The following NHEJ1 variants were observed in gnomAD, a reference collection of about 807,000 sequenced individuals.
NHEJ1 encodes the protein non-homologous end-joining factor 1.
NHEJ1 carries 22 observed loss-of-function variants against 39.4 expected under a neutral mutation model. The ratio of observed to expected loss-of-function variants is 0.56; its 90% CI spans 0.40 to 0.80. The LOEUF is 0.80. NHEJ1 is among the 30% of genes least tolerant of loss of function. The pLI, the probability that NHEJ1 is intolerant of heterozygous loss-of-function variation, is 0.00. For synonymous variants in NHEJ1, 154 were observed against 135.6 expected, an observed-to-expected ratio of 1.14 and a Z score of -0.94; for missense variants, 329 against 357.1, an observed-to-expected ratio of 0.92 and a Z score of 0.63.
chr2:219,091,034 T>G (rs773369012), intron 5 of NHEJ1, among the ~76,000 whole-genome samples: 42 of 152,266 alleles, frequency 2.8e-4, no homozygotes, highest in Middle Eastern at 6.8e-3. Context: ...ATCTAGCAAA[T>G]ATAAGTATCT....
In NHEJ1 at chr2:219,131,512, C is replaced by A. The variant is rs151035909; in HGVS notation, c.588+15168G>T. Among the ~76,000 whole-genome samples the A allele has an allele frequency of 2.5e-3, 386 of 152,266 alleles. 3 individuals are homozygous for A. The highest frequency in any genetic ancestry group is 8.9e-3 in the African/African-American group (371 of 41,536). On this transcript the variant is annotated intron_variant, in intron 5 of 7. Transcript: ENST00000356853. Reference sequence around the variant, plus strand: ...TTAAACACAGGAAAAGGGCAAAAATCGGCAAATAGCTTCAGGGGGTAGTTT... The same window carrying A: ...TTAAACACAGGAAAAGGGCAAAAATAGGCAAATAGCTTCAGGGGGTAGTTT...
chr2:219,150,628 TG>T (rs1398465359), intron 3 of NHEJ1, among the ~76,000 whole-genome samples: 6 of 152,164 alleles, frequency 3.9e-5, no homozygotes, highest in Admixed American at 1.3e-4. Context: ...GAGACCAGCC[TG>T]GGCAACATGG....
chr2:219,092,781 AGCCACAT>A (rs1421389217), intron 5 of NHEJ1, among the ~76,000 whole-genome samples: 1 of 152,176 alleles, frequency 6.6e-6, no homozygotes, highest in African/African-American at 2.4e-5. Context: ...GGGGAGCCAA[AGCCACAT>A]GCCAGTCAAT....
At chr2:219,145,942 T>G (rs77026556) in intron 5 of NHEJ1, among the ~76,000 whole-genome samples, 1 of 92,930 alleles carries the variant, frequency 1.1e-5, no homozygotes. Flanking sequence ...CAAAAAAAAA[T>G]AAAAAAAAAA....
At chr2:219,080,524 T>TAAAAA (rs1197303232) in intron 5 of NHEJ1, among the ~76,000 whole-genome samples, 7 of 142,150 alleles carry the variant, frequency 4.9e-5, no homozygotes, top group Admixed American at 1.4e-4. Context: ...GACTCTGTCT[T>TAAAAA]AAAAAAAAAT....
intron 5 of NHEJ1, among the ~76,000 whole-genome samples, chr2:219,089,708 T>C (rs1190501231): frequency 1.3e-5 from 2 of 152,236 alleles, no homozygotes; most frequent in South Asian, 2.1e-4. Flanking sequence ...GAATTGTATA[T>C]ACTTTTGGTA....
chr2:219,123,076 A>C (rs1470700223), intron 5 of NHEJ1, among the ~76,000 whole-genome samples: 1 of 152,206 alleles, frequency 6.6e-6, no homozygotes, highest in African/African-American at 2.4e-5. Context: ...GCTTTGGAGA[A>C]GTTAGGATGT....
intron 5 of NHEJ1, among the ~76,000 whole-genome samples, chr2:219,087,495 A>G (rs1949122217): frequency 6.6e-6 from 1 of 151,986 alleles, no homozygotes; most frequent in East Asian, 1.9e-4. Flanking sequence ...CACCAAAAGG[A>G]TTCTCTTTCA....
In NHEJ1 at chr2:219,072,809, G is replaced by A. The variant is rs951205046; in HGVS notation, c.*3572C>T. On this transcript the variant is annotated 3_prime_UTR_variant, in exon 8 of 8. Coordinates refer to ENST00000356853, the MANE Select transcript of NHEJ1 (RefSeq NM_024782.3). ...CTCTGGAGCGAATCTGTGTAGTTTT[G>A]TAAGTAGGAGAAAATGAGAGACAGA... 6.6e-6 allele frequency among the ~76,000 whole-genome samples: 1 copy of A among 152,174 alleles called. No homozygotes were observed. The highest frequency in any genetic ancestry group is 1.5e-5 in the Non-Finnish European group (1 of 68,026).
intron 5 of NHEJ1, among the ~76,000 whole-genome samples, chr2:219,112,966 A>G (rs1949379338): frequency 6.6e-6 from 1 of 152,198 alleles, no homozygotes; most frequent in Non-Finnish European, 1.5e-5. Context: ...TTTTGCTGAA[A>G]TTAGTTGCCC....
Position 219,080,693 on chromosome 2 carries a change from A to T in NHEJ1, c.589-2487T>A, listed in dbSNP as rs1336465145. On this transcript the variant is annotated intron_variant, in intron 5 of 7. Coordinates refer to ENST00000356853, the MANE Select transcript of NHEJ1 (RefSeq NM_024782.3). ...TTTATATATGCTAATATATATGCTT[A>T]TATATATATATGCTAATATATATAT... 2.2e-5 allele frequency among the ~76,000 whole-genome samples: 2 copies of T among 92,126 alleles called. 1 individual carries two copies. Among genetic ancestry groups the T allele is most frequent in the South Asian group, 7.0e-4 (2 of 2,874 alleles). 60.4% of individuals were successfully genotyped at this position (92,126 alleles called of 152,430 possible).
At chr2:219,133,079 G>A (rs1949594013) in intron 5 of NHEJ1, among the ~76,000 whole-genome samples, 1 of 152,168 alleles carries the variant, frequency 6.6e-6, no homozygotes, top group South Asian at 2.1e-4. Flanking sequence ...GGACCTTCTG[G>A]CAATTTCTCC....
rs544687151 is a variant in NHEJ1 at position 219,151,750 on chromosome 2, C to T, written c.391-3955G>A. Among the ~76,000 whole-genome samples, 8 of 152,092 alleles carry T rather than the reference C, an allele frequency of 5.3e-5. No individual in the cohort carries two copies. The East Asian group carries it at 5.8e-4, about 11-fold the overall frequency. On this transcript the variant is annotated intron_variant, in intron 3 of 7. Coordinates refer to ENST00000356853, the MANE Select transcript of NHEJ1 (RefSeq NM_024782.3). The stretch of plus-strand genomic sequence containing the variant: ...GGGAAGCTGAGGTGGGCAGATGACC[C>T]GAAGCCAGGAATGCAAGATCAGCCT...
At position 219,159,542 on chromosome 2, in the gene NHEJ1, T is replaced by TATATGCATATATATATATGC. The variant is rs1553549804; in HGVS notation, c.-1+1177_-1+1178insGCATATATATATATGCATAT. Among the ~76,000 whole-genome samples, 12 of 34,314 alleles carry TATATGCATATATATATATGC rather than the reference T, an allele frequency of 3.5e-4. No homozygotes were observed. In the East Asian group the frequency reaches 7.0e-3, roughly 20 times the overall value. 22.5% of individuals were successfully genotyped at this position (34,314 alleles called of 152,430 possible). A position where few individuals can be genotyped will look rare whatever the true frequency, so the allele number is the denominator to read the frequency against. The stretch of plus-strand genomic sequence containing the variant: ...ATATATATGCATATATATATGCATA[T>TATATGCATATATATATATGC]ATATATATGCATATATATATGCATA... On this transcript the variant is annotated intron_variant, in intron 1 of 7. Transcript: ENST00000356853.
At position 219,075,466 on chromosome 2, in the gene NHEJ1, G is replaced by C. The variant is rs1949003726; in HGVS notation, c.*915C>G. 6.6e-6 allele frequency: 1 copy of C among 152,186 alleles called. No individual in the cohort carries two copies. Among genetic ancestry groups the C allele is most frequent in the African/African-American group, 2.4e-5 (1 of 41,446 alleles). 9.4% of individuals were successfully genotyped at this position (152,186 alleles called of 1,614,324 possible). A position where few individuals can be genotyped will look rare whatever the true frequency, so the allele number is the denominator to read the frequency against. The stretch of plus-strand genomic sequence containing the variant: ...TCGAAAGTAAATAAACCAGAAATTG[G>C]ATAGGCGTGGTAGCTCATGCCTGTA... On this transcript the variant is annotated 3_prime_UTR_variant, in exon 8 of 8. Transcript: ENST00000356853.
At chr2:219,078,333 G>T (rs1949033551) in intron 5 of NHEJ1, 127 bp from the exon 6 acceptor site, 1 of 830,044 alleles carries the variant, frequency 1.2e-6, no homozygotes, top group African/African-American at 1.7e-5. Context: ...CCAATAGGGG[G>T]CGACCATATC....
intron 5 of NHEJ1, among the ~76,000 whole-genome samples, chr2:219,137,996 G>A (rs1251771399): frequency 6.6e-6 from 1 of 152,104 alleles, no homozygotes; most frequent in African/African-American, 2.4e-5. Flanking sequence ...AGTTTTTCTA[G>A]GTCGGAGAAC....
chr2:219,119,582 C>T (rs931810734), intron 5 of NHEJ1, among the ~76,000 whole-genome samples: 2 of 152,146 alleles, frequency 1.3e-5, no homozygotes, highest in African/African-American at 4.8e-5. Context: ...GAGTCCTCCC[C>T]GCCACCCTGC....
intron 5 of NHEJ1, among the ~76,000 whole-genome samples, chr2:219,086,732 A>C (rs1275440819): frequency 6.6e-6 from 1 of 151,912 alleles, no homozygotes; most frequent in Non-Finnish European, 1.5e-5. Context: ...AAGGGAGTGG[A>C]AGTGAAGGTG....
Sources: allele counts gnomAD v4.1 joint callset (sites outside exome capture counted in the v4.1 genomes callset), GRCh38; gene constraint gnomAD v4.1.1; transcripts MANE v1.5; gene names NCBI Gene and HGNC (gene_info 2026-07-23, HGNC 2026-07-21).